CACNA2D3: variants seen among roughly 807,000 people sequenced by gnomAD.
The protein encoded by CACNA2D3 is voltage-dependent calcium channel subunit alpha-2/delta-3.
A neutral mutation model predicts 160.6 loss-of-function variants in CACNA2D3; 60 were observed. The ratio of observed to expected loss-of-function variants is 0.37; its 90% CI spans 0.30 to 0.46. The LOEUF is 0.46. CACNA2D3 is among the 20% of genes least tolerant of loss of function. The pLI, the probability that CACNA2D3 is intolerant of heterozygous loss-of-function variation, is 1.00. For synonymous variants in CACNA2D3, 558 were observed against 492.9 expected (o/e 1.13, Z -1.75); for missense variants, 1,205 against 1,365.0 (o/e 0.88, Z 1.85).
chr3:54,948,877 C>G (rs1426692838), intron 27 of CACNA2D3, among the ~76,000 whole-genome samples: 2 of 152,120 alleles, frequency 1.3e-5, no homozygotes, highest in African/African-American at 4.8e-5. Flanking sequence ...TAAGCAAAAT[C>G]AGTAAATTAA....
chr3:54,266,176 A>G (rs1702513412), intron 2 of CACNA2D3, among the ~76,000 whole-genome samples: 1 of 152,202 alleles, frequency 6.6e-6, no homozygotes, highest in African/African-American at 2.4e-5. Flanking sequence ...GCTTTGTAGA[A>G]GTGAGAAGTC....
In CACNA2D3 at chr3:54,885,525, C is replaced by G. The variant is rs778008155; in HGVS notation, c.1995C>G (p.Arg665=). The change falls in exon 23 of 38, where the codon CGC becomes CGG. Residue 665 remains arginine, a synonymous_variant. Coordinates refer to ENST00000474759, the MANE Select transcript of CACNA2D3 (RefSeq NM_018398.3). Reference sequence around the variant, plus strand: ...ACACTGACCTACACCCTGAGCACCGCCATCTGTCTCAGTTAGAAGCGATTA... The same window carrying G: ...ACACTGACCTACACCCTGAGCACCGGCATCTGTCTCAGTTAGAAGCGATTA... ...YCNTDLHPEH[R]HLSQLEAIKL... 1.9e-5 allele frequency: 30 copies of G among 1,613,786 alleles called. No individual in the cohort carries two copies. Among genetic ancestry groups the G allele is most frequent in the Non-Finnish European group, 2.5e-5 (30 of 1,179,792 alleles).
chr3:55,053,615 T>C lies in CACNA2D3; in HGVS notation c.2988-19830T>C, dbSNP rs563857917. Among the ~76,000 whole-genome samples, 108 of 152,146 alleles carry C rather than the reference T, an allele frequency of 7.1e-4. 1 individual carries two copies. The highest frequency in any genetic ancestry group is 2.5e-3 in the African/African-American group (102 of 41,568). On this transcript the variant is annotated intron_variant, in intron 35 of 37. Coordinates refer to ENST00000474759, the MANE Select transcript of CACNA2D3 (RefSeq NM_018398.3). ...TTTGCTACCAAAAAATCCAAGTTGC[T>C]TAGCTATATTGAATTTTATATCCTG...
At chr3:55,063,478 A>C (rs989571) in intron 35 of CACNA2D3, among the ~76,000 whole-genome samples, 1 of 152,028 alleles carries the variant, frequency 6.6e-6, no homozygotes, top group Admixed American at 6.6e-5. Flanking sequence ...AAAAAAATGC[A>C]AAATGAAACA....
At chr3:55,027,621 T>C (rs1009571578) in intron 35 of CACNA2D3, among the ~76,000 whole-genome samples, 1 of 152,230 alleles carries the variant, frequency 6.6e-6, no homozygotes, top group Non-Finnish European at 1.5e-5. Flanking sequence ...TACTAATTTT[T>C]GACCAACTTT....
chr3:54,349,602 C>T (rs1698516510), intron 3 of CACNA2D3, among the ~76,000 whole-genome samples: 1 of 152,120 alleles, frequency 6.6e-6, no homozygotes, highest in African/African-American at 2.4e-5. Context: ...TTATTTGCTT[C>T]CTTATCTATA....
chr3:55,052,036 C>G (rs1469050569), intron 35 of CACNA2D3, among the ~76,000 whole-genome samples: 1 of 152,176 alleles, frequency 6.6e-6, no homozygotes, highest in East Asian at 1.9e-4. Context: ...CCCGGTACCT[C>G]AGATGGAAAT....
intron 25 of CACNA2D3, among the ~76,000 whole-genome samples, chr3:54,896,146 T>C (rs1700182544): frequency 6.6e-6 from 1 of 152,118 alleles, no homozygotes; most frequent in African/African-American, 2.4e-5. Context: ...GCCTTCCCGA[T>C]AGACAAGCTC....
At chr3:54,999,026 G>A (rs999681779) in intron 31 of CACNA2D3, among the ~76,000 whole-genome samples, 4 of 152,182 alleles carry the variant, frequency 2.6e-5, no homozygotes, top group East Asian at 1.9e-4. Flanking sequence ...GATTACAGGC[G>A]TGAGCCACCG....
chr3:54,130,864 G>C (rs1699691902), intron 2 of CACNA2D3, among the ~76,000 whole-genome samples: 1 of 152,338 alleles, frequency 6.6e-6, no homozygotes, highest in South Asian at 2.1e-4. Context: ...AGAGGGCATA[G>C]CCTTGGAGTC....
intron 2 of CACNA2D3, among the ~76,000 whole-genome samples, chr3:54,183,407 T>G (rs751111342): frequency 4.6e-5 from 7 of 152,016 alleles, no homozygotes; most frequent in Non-Finnish European, 8.8e-5. Flanking sequence ...AGAGGTGACC[T>G]GTTTAGTGTC....
intron 2 of CACNA2D3, among the ~76,000 whole-genome samples, chr3:54,214,053 CTT>C (rs762743816): frequency 6.6e-6 from 1 of 152,130 alleles, no homozygotes; most frequent in Non-Finnish European, 1.5e-5. Context: ...GCTGAGATAT[CTT>C]AGTTGCTGGA....
chr3:54,980,366 C>T (rs547486661), intron 29 of CACNA2D3, among the ~76,000 whole-genome samples: 1 of 152,242 alleles, frequency 6.6e-6, no homozygotes, highest in African/African-American at 2.4e-5. Flanking sequence ...AGTCAATGTC[C>T]ACACACAGAA....
intron 2 of CACNA2D3, among the ~76,000 whole-genome samples, chr3:54,290,432 A>G (rs878961132): frequency 1.4e-4 from 21 of 152,236 alleles, no homozygotes; most frequent in Admixed American, 8.5e-4. Flanking sequence ...AGGATGTGGA[A>G]AAATAGGAAC....
At chr3:55,008,028 C>G (rs998960453) in intron 33 of CACNA2D3, among the ~76,000 whole-genome samples, 186 bp downstream of exon 33, 1 of 152,172 alleles carries the variant, frequency 6.6e-6, no homozygotes, top group African/African-American at 2.4e-5. Context: ...TATTAAGTGA[C>G]TGTTGATCAC....
chr3:54,732,771 G>C (rs1252791444), intron 11 of CACNA2D3, among the ~76,000 whole-genome samples: 2 of 152,122 alleles, frequency 1.3e-5, no homozygotes, highest in African/African-American at 4.8e-5. Context: ...CTGACCTTTG[G>C]GGCATCATTT....
In CACNA2D3 at chr3:54,887,972, G is replaced by A. The variant is rs770511304; in HGVS notation, c.2070G>A (p.Leu690=). 2.7e-5 allele frequency: 43 copies of A among 1,613,732 alleles called. No homozygotes were observed. The Admixed American group carries it at 5.3e-4, about 20-fold the overall frequency. ...KEPLLQCDKE[L]IQEVLFDAVV... The stretch of plus-strand genomic sequence containing the variant: ...CCCTCCCAACAGGTGATAAAGAATT[G>A]ATCCAAGAAGTCCTTTTTGACGCGG... The change falls in exon 24 of 38, where the codon TTG becomes TTA. Residue 690 remains leucine (L), a synonymous_variant. Transcript: ENST00000474759.
intron 35 of CACNA2D3, among the ~76,000 whole-genome samples, chr3:55,057,898 C>T (rs1308482062): frequency 6.6e-6 from 1 of 151,992 alleles, no homozygotes; most frequent in Non-Finnish European, 1.5e-5. Context: ...TCATGTCATG[C>T]AAAATGAACA....
intron 12 of CACNA2D3, among the ~76,000 whole-genome samples, chr3:54,755,243 C>T (rs1323599903): frequency 6.6e-6 from 1 of 152,136 alleles, no homozygotes; most frequent in Non-Finnish European, 1.5e-5. Context: ...TGGGCCAGTT[C>T]TTCCTCCCTG....
Sources: allele counts gnomAD v4.1 joint callset (sites outside exome capture counted in the v4.1 genomes callset), GRCh38; gene constraint gnomAD v4.1.1; transcripts MANE v1.5; gene names NCBI Gene and HGNC (gene_info 2026-07-23, HGNC 2026-07-21).